Variants in CRYBG3 observed in about 807,000 individuals in gnomAD.
CRYBG3 encodes very large A-kinase anchor protein.
Under a neutral mutation model 244.2 loss-of-function variants are expected in CRYBG3, and 127 were observed. The ratio of observed to expected loss-of-function variants is 0.52; its 90% CI spans 0.45 to 0.60. CRYBG3 has a LOEUF of 0.60. Ranked by LOEUF, CRYBG3 falls within the 20% of genes least tolerant of loss-of-function variation. CRYBG3 has a pLI of 0.00. For synonymous variants in CRYBG3, 1,132 were observed against 1,195.8 expected (o/e 0.95, Z 1.10); for missense variants, 3,325 against 3,442.5 (o/e 0.97, Z 0.85).
intron 1 of CRYBG3, among the ~76,000 whole-genome samples, chr3:97,827,632 CTACCCTTTATTAAGGGTACCCTTAA>C (rs893261951): frequency 6.6e-6 from 1 of 152,158 alleles, no homozygotes; most frequent in African/African-American, 2.4e-5. Flanking sequence ...TATTAAGGCC[CTACCCTTTATTAAGGGTACCCTTAA>C]TACCCTTTAT....
intron 2 of CRYBG3, among the ~76,000 whole-genome samples, chr3:97,847,935 C>A (rs1024182278): frequency 3.9e-5 from 6 of 152,122 alleles, no homozygotes; most frequent in African/African-American, 1.4e-4. Flanking sequence ...AAGTAAATCA[C>A]TTATTACAAA....
chr3:97,885,317 T>TCCCA (rs1200292147), intron 7 of CRYBG3, among the ~76,000 whole-genome samples: 1 of 152,144 alleles, frequency 6.6e-6, no homozygotes, highest in African/African-American at 2.4e-5. Context: ...ATCAGACTAT[T>TCCCA]ATACTTTTAG....
chr3:97,850,793 T>TGAG (rs1421400070), intron 2 of CRYBG3, among the ~76,000 whole-genome samples: 3 of 152,276 alleles, frequency 2.0e-5, no homozygotes, highest in Admixed American at 2.0e-4. Flanking sequence ...CAGTACTCAC[T>TGAG]GAGGAGTTAA....
chr3:97,838,402 T>C (rs1407105985), intron 1 of CRYBG3, among the ~76,000 whole-genome samples: 3 of 152,100 alleles, frequency 2.0e-5, no homozygotes, highest in African/African-American at 7.2e-5. Flanking sequence ...CCATTGTTTA[T>C]CAAGAATGGG....
rs1410917438 is a variant in CRYBG3, at chr3:97,909,540, T to C, written c.8005-2627T>C. Among the ~76,000 whole-genome samples, 1,303 of 150,198 alleles carry C rather than the reference T, an allele frequency of 8.7e-3. 8 individuals carry two copies. Among genetic ancestry groups the C allele is most frequent in the African/African-American group, 0.03 (1,189 of 39,764 alleles). ...TACCCTTTCTTCCAGTTGATTGCAT[T>C]GGCTCCTGAGGCTTCTGCATTCTTC... On this transcript the variant is annotated intron_variant, in intron 15 of 21. Transcript: ENST00000389622.
intron 21 of CRYBG3, chr3:97,942,800 T>G (rs554479505): frequency 4.6e-6 from 1 of 216,922 alleles, no homozygotes; most frequent in East Asian, 1.3e-4. Context: ...AACCCTCAGG[T>G]AGAATTTATG....
Position 97,876,361 on chromosome 3 carries a change from G to A in CRYBG3, c.5167G>A (p.Glu1723Lys). 1 of 1,232,092 alleles carries A rather than the reference G, an allele frequency of 8.1e-7. No individual in the cohort carries two copies. Among genetic ancestry groups the A allele is most frequent in the Non-Finnish European group, 1.0e-6 (1 of 987,954 alleles). 76.3% of individuals were successfully genotyped at this position (1,232,092 alleles called of 1,614,324 possible). Residue 1723 changes from glutamate (E) to lysine (K), a missense_variant, in exon 4 of 22, where the codon GAA becomes AAA. By Grantham distance (56) the Glu-to-Lys change is moderately conservative. Transcript: ENST00000389622. ...GGAAAATACTTACCAAAAGGATGCT[G>A]AAGGGGATATTGGAAAGGCTGAAGT... ...AMENTYQKDA[E>K]GDIGKAEVMP...
At chr3:97,836,147 C>T (rs1046814645) in intron 1 of CRYBG3, among the ~76,000 whole-genome samples, 2 of 151,922 alleles carry the variant, frequency 1.3e-5, no homozygotes, top group African/African-American at 4.8e-5. Context: ...GAGGACTGAC[C>T]TTATAGAGAA....
intron 17 of CRYBG3, among the ~76,000 whole-genome samples, chr3:97,924,604 C>T (rs745916144): frequency 3.3e-5 from 5 of 152,062 alleles, no homozygotes; most frequent in Admixed American, 1.3e-4. Flanking sequence ...CATTTCCTTA[C>T]CTTTTCTAGC....
chr3:97,921,997 T>C (rs1416539006), intron 17 of CRYBG3, among the ~76,000 whole-genome samples: 2 of 152,070 alleles, frequency 1.3e-5, no homozygotes, highest in African/African-American at 4.8e-5. Context: ...GTAGAAAAAC[T>C]TCAGATAAAA....
In CRYBG3 at chr3:97,877,814, A is replaced by G. The variant is rs753081418; in HGVS notation, c.6620A>G (p.Asn2207Ser). 1.2e-5 allele frequency: 19 copies of G among 1,613,998 alleles called. No individual in the cohort carries two copies. The Admixed American group carries it at 1.3e-4, about 11-fold the overall frequency. ...YVMPNEPTTS[N>S]LQVGLWPEKT... ...ATGCCAAATGAACCTACTACCTCCA[A>G]TCTGCAAGTTGGTCTGTGGCCAGAA... Residue 2207 changes from asparagine to serine, a missense_variant, in exon 4 of 22, where the codon AAT becomes AGT. Physicochemically the swap from Asn to Ser is conservative, Grantham distance 46. Coordinates refer to ENST00000389622, the MANE Select transcript of CRYBG3 (RefSeq NM_153605.4).
At chr3:97,921,474 A>G (rs2039984193) in intron 17 of CRYBG3, among the ~76,000 whole-genome samples, 1 of 152,148 alleles carries the variant, frequency 6.6e-6, no homozygotes. Context: ...ATGCCTAAAA[A>G]TATATAGGCA....
rs568133812 is a variant in CRYBG3, at chr3:97,914,000, T to C, written c.8115-1610T>C. Reference sequence around the variant, plus strand: ...ACCTGTGTGGTCTCCTGCAGGTATATAAGCTTGTGACCCCTGCTTAATAAT... The same window carrying C: ...ACCTGTGTGGTCTCCTGCAGGTATACAAGCTTGTGACCCCTGCTTAATAAT... On this transcript the variant is annotated intron_variant, in intron 16 of 21. Coordinates refer to ENST00000389622, the MANE Select transcript of CRYBG3 (RefSeq NM_153605.4). 2.0e-5 allele frequency among the ~76,000 whole-genome samples: 3 copies of C among 152,310 alleles called. 1 individual carries two copies. Among genetic ancestry groups the C allele is most frequent in the Admixed American group, 2.0e-4 (3 of 15,292 alleles).
At chr3:97,890,382 T>C (rs1322227076) in intron 10 of CRYBG3, among the ~76,000 whole-genome samples, 1 of 152,184 alleles carries the variant, frequency 6.6e-6, no homozygotes, top group Non-Finnish European at 1.5e-5. Context: ...TGTCTCAGTC[T>C]CCTAGTCTGG....
chr3:97,915,466 T>G (rs527848541), intron 16 of CRYBG3, 144 bp from the exon 17 acceptor site: 43 of 656,558 alleles, frequency 6.5e-5, no homozygotes, highest in African/African-American at 4.0e-4. Flanking sequence ...AGCTGTTGTG[T>G]TTTTTGTTTT....
chr3:97,942,026 A>G, intron 20 of CRYBG3: 1 of 282,078 alleles, frequency 3.5e-6, no homozygotes, highest in Non-Finnish European at 6.5e-6. Context: ...TTTATTGAAC[A>G]TCTGTTGTCA....
At chr3:97,849,571 G>C (rs2038955043) in intron 2 of CRYBG3, among the ~76,000 whole-genome samples, 1 of 152,188 alleles carries the variant, frequency 6.6e-6, no homozygotes, top group Non-Finnish European at 1.5e-5. Flanking sequence ...CTGGGCACTT[G>C]ACATCTTGTA....
At chr3:97,896,728 A>G (rs1382936048) in intron 12 of CRYBG3, among the ~76,000 whole-genome samples, 5 of 152,166 alleles carry the variant, frequency 3.3e-5, no homozygotes, top group African/African-American at 1.2e-4. Context: ...TCATATCTGG[A>G]GCAGTGGTGC....
rs1274082162 is a variant in CRYBG3, at chr3:97,886,758, A to G, written c.7280A>G (p.Lys2427Arg). 6.2e-7 allele frequency: 1 copy of G among 1,601,882 alleles called. No homozygotes were observed. Residue 2427 changes from lysine to arginine, a missense_variant, in exon 8 of 22, where the codon AAG becomes AGG. By Grantham distance (26) the Lys-to-Arg change is conservative. Coordinates refer to ENST00000389622, the MANE Select transcript of CRYBG3 (RefSeq NM_153605.4). ...NISKSVSFTVKSGVWLAYPDI... is the reference protein window; with the variant it reads ...NISKSVSFTVRSGVWLAYPDI... ...TCCAAATCTGTGTCCTTCACTGTGAAGTCAGGAGTGTACGTATCAGTTCCT... is the reference window on the plus strand; with the variant it reads ...TCCAAATCTGTGTCCTTCACTGTGAGGTCAGGAGTGTACGTATCAGTTCCT...
Sources: allele counts gnomAD v4.1 joint callset (sites outside exome capture counted in the v4.1 genomes callset), GRCh38; gene constraint gnomAD v4.1.1; transcripts MANE v1.5; gene names NCBI Gene and HGNC (gene_info 2026-07-23, HGNC 2026-07-21).